Variants in IL1RAPL2 observed in about 807,000 individuals in gnomAD.
The protein encoded by IL1RAPL2 is interleukin 1 receptor accessory protein like 2, also known as X-linked interleukin-1 receptor accessory protein-like 2.
IL1RAPL2 carries 3 observed loss-of-function variants against 44.1 expected under a neutral mutation model. That is an observed-to-expected ratio of 0.07 (90% CI 0.03 to 0.18). The LOEUF (loss-of-function observed/expected upper bound fraction) is 0.18. IL1RAPL2 is among the 10% of genes least tolerant of loss of function. The probability of loss-of-function intolerance (pLI) is 1.00; values close to 1 mark genes in which losing one functional copy is unlikely to be tolerated. For synonymous variants in IL1RAPL2, 181 were observed against 178.8 expected, an observed-to-expected ratio of 1.01 and a Z score of -0.10; for missense variants, 391 against 496.4, an observed-to-expected ratio of 0.79 and a Z score of 2.02.
intron 2 of IL1RAPL2, among the ~76,000 whole-genome samples, chrX:105,086,470 G>C (rs769443604): frequency 9.0e-6 from 1 of 111,359 alleles, no homozygotes; most frequent in Non-Finnish European, 1.9e-5. Flanking sequence ...ATGGCTGGGG[G>C]TGGGGAATGG....
At chrX:105,691,084 T>C in intron 6 of IL1RAPL2, among the ~76,000 whole-genome samples, 1 of 111,607 alleles carries the variant, frequency 9.0e-6, no homozygotes, top group East Asian at 2.8e-4. Flanking sequence ...CAAAAGAGCC[T>C]ATCTCTAATG....
chrX:105,444,620 A>G (rs2035942825), intron 5 of IL1RAPL2, among the ~76,000 whole-genome samples: 1 of 111,334 alleles, frequency 9.0e-6, no homozygotes, highest in African/African-American at 3.3e-5. Flanking sequence ...TCTGTAGGTA[A>G]AATAATATTG....
At chrX:105,293,388 A>G (rs1354977888) in intron 5 of IL1RAPL2, among the ~76,000 whole-genome samples, 1 of 111,884 alleles carries the variant, frequency 8.9e-6, no homozygotes, top group East Asian at 2.8e-4. Flanking sequence ...TGGTATACAC[A>G]TACAGAATTC....
chrX:105,584,230 G>C (rs1403004190), intron 6 of IL1RAPL2, among the ~76,000 whole-genome samples: 1 of 111,503 alleles, frequency 9.0e-6, no homozygotes, highest in East Asian at 2.8e-4. Context: ...TGGTGGATTT[G>C]TCTATCTCTC....
At chrX:105,044,244 A>G (rs1482470593) in intron 2 of IL1RAPL2, among the ~76,000 whole-genome samples, 1 of 111,062 alleles carries the variant, frequency 9.0e-6, no homozygotes, top group East Asian at 2.9e-4. Flanking sequence ...TGTTCCTGTC[A>G]TTTGCAAACA....
intron 2 of IL1RAPL2, among the ~76,000 whole-genome samples, chrX:105,120,926 T>C (rs770191516): frequency 8.2e-4 from 91 of 111,325 alleles, no homozygotes; most frequent in African/African-American, 2.8e-3. Context: ...CTTTTTTTTT[T>C]CCTCTGCTGT....
intron 2 of IL1RAPL2, among the ~76,000 whole-genome samples, chrX:105,105,302 C>T (rs1485503027): frequency 1.8e-5 from 2 of 111,651 alleles, no homozygotes; most frequent in Non-Finnish European, 3.8e-5. Flanking sequence ...TGAATCCTCA[C>T]AACAGCTCTG....
intron 3 of IL1RAPL2, among the ~76,000 whole-genome samples, chrX:105,205,666 G>C (rs1273135379): frequency 1.0e-5 from 1 of 96,022 alleles, no homozygotes; most frequent in Non-Finnish European, 2.1e-5. Flanking sequence ...TGGTGAGCTG[G>C]GGAATAATGC....
intron 2 of IL1RAPL2, among the ~76,000 whole-genome samples, chrX:104,727,074 G>A (rs764928323): frequency 9.1e-6 from 1 of 110,352 alleles, no homozygotes; most frequent in Non-Finnish European, 1.9e-5. Context: ...GACCTCAAAA[G>A]TAAACCCAAT....
intron 1 of IL1RAPL2, among the ~76,000 whole-genome samples, chrX:104,581,674 C>A (rs1044153354): frequency 2.7e-5 from 3 of 110,791 alleles, no homozygotes; most frequent in African/African-American, 9.9e-5. Flanking sequence ...CCAAGGGAGA[C>A]ACTGAAGATC....
At chrX:104,864,002 C>G (rs745703033) in intron 2 of IL1RAPL2, among the ~76,000 whole-genome samples, 1 of 111,682 alleles carries the variant, frequency 9.0e-6, no homozygotes, top group Non-Finnish European at 1.9e-5. Flanking sequence ...ATAAGACTTC[C>G]TTTAGCTTTA....
chrX:105,011,941 A>T (rs1191402295), intron 2 of IL1RAPL2, among the ~76,000 whole-genome samples: 1 of 111,255 alleles, frequency 9.0e-6, no homozygotes, highest in Non-Finnish European at 1.9e-5. Context: ...GTAACTTCAG[A>T]TGCCCCTTAA....
chrX:105,290,746 TC>T (rs769461688), intron 5 of IL1RAPL2, among the ~76,000 whole-genome samples: 1 of 111,421 alleles, frequency 9.0e-6, no homozygotes, highest in East Asian at 2.8e-4. Flanking sequence ...CAGTATTGAG[TC>T]TTTCAGAAGG....
intron 6 of IL1RAPL2, among the ~76,000 whole-genome samples, chrX:105,561,357 T>TA (rs1206652089): frequency 3.6e-5 from 4 of 110,985 alleles, no homozygotes; most frequent in Admixed American, 2.9e-4. Context: ...AAGAAATCTT[T>TA]AAAAAAAAAT....
intron 2 of IL1RAPL2, among the ~76,000 whole-genome samples, chrX:104,817,426 G>A (rs950655837): frequency 8.9e-6 from 1 of 112,064 alleles, no homozygotes; most frequent in African/African-American, 3.2e-5. Context: ...GAATGGAACT[G>A]TGAGAAAGGA....
At chrX:104,946,487 C>T (rs1479419912) in intron 2 of IL1RAPL2, among the ~76,000 whole-genome samples, 2 of 91,949 alleles carry the variant, frequency 2.2e-5, no homozygotes, top group Admixed American at 1.3e-4. Context: ...CATATGTATA[C>T]ATATGCCATG....
chrX:105,432,314 T>C (rs905192078), intron 5 of IL1RAPL2, among the ~76,000 whole-genome samples: 11 of 109,341 alleles, frequency 1.0e-4, no homozygotes, highest in African/African-American at 3.3e-4. Flanking sequence ...AAGCTTAATA[T>C]GTTGCCTTTC....
intron 5 of IL1RAPL2, among the ~76,000 whole-genome samples, chrX:105,351,656 G>C (rs1402092569): frequency 4.5e-5 from 5 of 110,407 alleles, no homozygotes; most frequent in Non-Finnish European, 7.6e-5. Context: ...GGGAGGGATA[G>C]CATTAAGAGA....
chrX:105,168,732 C>G (rs761311244), intron 2 of IL1RAPL2, among the ~76,000 whole-genome samples: 1 of 110,011 alleles, frequency 9.1e-6, no homozygotes, highest in African/African-American at 3.3e-5. Context: ...AAGGAATTCT[C>G]TCTTACTCTG....
Sources: gnomAD v4.1 joint callset for allele counts (sites outside exome capture counted in the v4.1 genomes callset) on GRCh38, gnomAD v4.1.1 for gene constraint, MANE v1.5 for transcripts, NCBI Gene and HGNC (gene_info 2026-07-23, HGNC 2026-07-21) for gene names.